Variants in TMEM132B observed in about 807,000 individuals in gnomAD.
The protein encoded by TMEM132B is transmembrane protein 132B.
In TMEM132B, 18 loss-of-function variants were observed where a neutral mutation model predicts 90.8. That is an observed-to-expected ratio of 0.20 (90% CI 0.14 to 0.29). The LOEUF (loss-of-function observed/expected upper bound fraction) is 0.29. Among genes scored for constraint, TMEM132B ranks in the 10% least tolerant of loss-of-function variants. The pLI is 1.00. For synonymous variants in TMEM132B, 504 were observed against 523.3 expected (o/e 0.96, Z 0.50); for missense variants, 1,096 against 1,326.8 (o/e 0.83, Z 2.70).
At chr12:125,248,890 C>T (rs1874259396) in intron 1 of TMEM132B, among the ~76,000 whole-genome samples, 1 of 152,134 alleles carries the variant, frequency 6.6e-6, no homozygotes, top group South Asian at 2.1e-4. Flanking sequence ...CTGTCATCTC[C>T]ATCAGTCTTC....
At chr12:125,418,785 T>C (rs1880093311) in intron 3 of TMEM132B, among the ~76,000 whole-genome samples, 1 of 152,168 alleles carries the variant, frequency 6.6e-6, no homozygotes, top group Non-Finnish European at 1.5e-5. Context: ...AAAATCTTAA[T>C]TTAAAATATT....
intron 1 of TMEM132B, chr12:125,301,264 G>C (rs73422855): frequency 1.3e-5 from 2 of 152,224 alleles, no homozygotes; most frequent in Non-Finnish European, 2.9e-5. Flanking sequence ...GAGGTGCTGA[G>C]TTGTCAAAGG....
chr12:125,387,221 A>G (rs1417684314), intron 2 of TMEM132B, among the ~76,000 whole-genome samples: 1 of 152,146 alleles, frequency 6.6e-6, no homozygotes, highest in Admixed American at 6.5e-5. Context: ...TCTTCTGAAA[A>G]AAGGGGTAAG....
At chr12:125,265,732 GT>G (rs1005728583) in intron 1 of TMEM132B, among the ~76,000 whole-genome samples, 1 of 152,010 alleles carries the variant, frequency 6.6e-6, no homozygotes, top group Non-Finnish European at 1.5e-5. Context: ...CCCTTTACCT[GT>G]TTTTTTACTT....
chr12:125,243,658 C>T (rs1392208714), intron 1 of TMEM132B, among the ~76,000 whole-genome samples: 2 of 152,154 alleles, frequency 1.3e-5, no homozygotes. Flanking sequence ...AGTCTATCAC[C>T]CAGGTAGGGG....
chr12:125,370,049 A>G (rs1468286951), intron 2 of TMEM132B, among the ~76,000 whole-genome samples: 1 of 152,190 alleles, frequency 6.6e-6, no homozygotes, highest in African/African-American at 2.4e-5. Flanking sequence ...ACTCCATCTC[A>G]AAAATAAAAA....
At chr12:125,503,910 A>G (rs986603152) in intron 3 of TMEM132B, among the ~76,000 whole-genome samples, 3 of 152,366 alleles carry the variant, frequency 2.0e-5, no homozygotes, top group East Asian at 1.9e-4. Flanking sequence ...AGGAGAAGCT[A>G]GAGAAGTTAC....
At chr12:125,516,628 C>T (rs1011259573) in intron 3 of TMEM132B, among the ~76,000 whole-genome samples, 2 of 152,234 alleles carry the variant, frequency 1.3e-5, no homozygotes, top group Non-Finnish European at 2.9e-5. Flanking sequence ...CAGACCTACC[C>T]TCTTTGCCTA....
In TMEM132B at chr12:125,225,823, C is replaced by T. The variant is rs549189365; in HGVS notation, c.67+38957C>T. On this transcript the variant is annotated intron_variant, in intron 1 of 8. Transcript: ENST00000682704. ...GTGCACCTCCTTCTTACTTGCGTTC[C>T]ATTAATTCAGGCTCAGTCACATGAC... 6.6e-5 allele frequency among the ~76,000 whole-genome samples: 10 copies of T among 152,276 alleles called. No individual in the cohort carries two copies. The East Asian group carries it at 1.7e-3, about 26-fold the overall frequency.
At chr12:125,374,756 G>A (rs949892250) in intron 2 of TMEM132B, among the ~76,000 whole-genome samples, 1 of 151,742 alleles carries the variant, frequency 6.6e-6, no homozygotes, top group Non-Finnish European at 1.5e-5. Flanking sequence ...GCAATTATGT[G>A]CTGTTAGAGG....
At chr12:125,443,370 T>C (rs1880924330) in intron 3 of TMEM132B, among the ~76,000 whole-genome samples, 1 of 152,188 alleles carries the variant, frequency 6.6e-6, no homozygotes, top group Non-Finnish European at 1.5e-5. Flanking sequence ...TAAACTTTGG[T>C]GCATGGAGGG....
chr12:125,634,643 A>G (rs1886439747), intron 5 of TMEM132B, among the ~76,000 whole-genome samples: 1 of 152,136 alleles, frequency 6.6e-6, no homozygotes, highest in African/African-American at 2.4e-5. Context: ...TAGGTAATAA[A>G]TGCTGCCAGG....
chr12:125,652,367 T>C, intron 7 of TMEM132B, 74 bp from the exon 8 acceptor site: 2 of 1,419,984 alleles, frequency 1.4e-6, no homozygotes, highest in Non-Finnish European at 1.9e-6. Context: ...AGCACTTTGT[T>C]GGGAGCCCCA....
rs139517789 is a variant in TMEM132B at position 125,284,178 on chromosome 12, T to C, written c.68-65274T>C. ...TTTAGTGAATTTTTCTGCATAGATG[T>C]ACATGTACATAGCTCAAAATTCAAA... On this transcript the variant is annotated intron_variant, in intron 1 of 8. Coordinates refer to ENST00000682704, the MANE Select transcript of TMEM132B (RefSeq NM_001366854.1). Among the ~76,000 whole-genome samples the C allele has an allele frequency of 1.6e-4, 24 of 152,296 alleles. No homozygotes were observed. In the East Asian group the frequency reaches 4.4e-3, roughly 28 times the overall value.
intron 1 of TMEM132B, among the ~76,000 whole-genome samples, chr12:125,243,968 C>CT (rs898830124): frequency 7.9e-4 from 120 of 152,284 alleles, no homozygotes; most frequent in African/African-American, 2.7e-3. Context: ...TCCTGTCTCT[C>CT]TGAGTTTGCC....
chr12:125,588,868 A>G (rs1324312932), intron 5 of TMEM132B, among the ~76,000 whole-genome samples: 4 of 152,120 alleles, frequency 2.6e-5, no homozygotes, highest in Admixed American at 1.3e-4. Context: ...AAGTTATTCT[A>G]TGTACTTGTA....
intron 3 of TMEM132B, among the ~76,000 whole-genome samples, chr12:125,485,639 C>T (rs573904224): frequency 5.9e-5 from 9 of 152,228 alleles, no homozygotes; most frequent in East Asian, 3.9e-4. Flanking sequence ...AAACCCATAC[C>T]GGGTATCTCA....
chr12:125,598,617 C>T lies in TMEM132B; in HGVS notation c.1437+14623C>T, dbSNP rs148267025. The stretch of plus-strand genomic sequence containing the variant: ...GAAACAAATCAATATAGAAAAGGTG[C>T]CAATGAAAACTAATGTGCAAATGAA... On this transcript the variant is annotated intron_variant, in intron 5 of 8. Coordinates refer to ENST00000682704, the MANE Select transcript of TMEM132B (RefSeq NM_001366854.1). 5.3e-3 allele frequency among the ~76,000 whole-genome samples: 812 copies of T among 152,202 alleles called. 3 individuals are homozygous for T. The highest frequency in any genetic ancestry group is 0.019 in the African/African-American group (778 of 41,546).
intron 1 of TMEM132B, among the ~76,000 whole-genome samples, chr12:125,222,432 C>A (rs1333587866): frequency 6.6e-6 from 1 of 152,082 alleles, no homozygotes; most frequent in African/African-American, 2.4e-5. Context: ...CCTTGGGTAT[C>A]CTGGCAGCCA....
Sources: gnomAD v4.1 joint callset for allele counts (sites outside exome capture counted in the v4.1 genomes callset) on GRCh38, gnomAD v4.1.1 for gene constraint, MANE v1.5 for transcripts, NCBI Gene and HGNC (gene_info 2026-07-23, HGNC 2026-07-21) for gene names.